Variants in ERBB4 observed in about 807,000 individuals in gnomAD.
ERBB4 encodes the protein receptor tyrosine-protein kinase erbB-4.
In ERBB4, 42 loss-of-function variants were observed where a neutral mutation model predicts 158.0. The observed-to-expected ratio is 0.27, with a 90% CI of 0.21 to 0.34. ERBB4 has a LOEUF of 0.34. ERBB4 is among the 10% of genes least tolerant of loss of function. ERBB4 has a pLI of 1.00. For synonymous variants in ERBB4, 583 were observed against 558.7 expected, an observed-to-expected ratio of 1.04 and a Z score of -0.61; for missense variants, 1,333 against 1,624.1, an observed-to-expected ratio of 0.82 and a Z score of 3.08.
chr2:212,301,635 T>C lies in ERBB4; in HGVS notation c.83-176732A>G, dbSNP rs112374652. 5.3e-3 allele frequency among the ~76,000 whole-genome samples: 792 copies of C among 150,380 alleles called. 4 individuals are homozygous for C. Among genetic ancestry groups the C allele is most frequent in the Middle Eastern group, 0.017 (5 of 294 alleles). On this transcript the variant is annotated intron_variant, in intron 1 of 27. Coordinates refer to ENST00000342788, the MANE Select transcript of ERBB4 (RefSeq NM_005235.3). ...GTAACTTTTGTAACAGGTCCTAATA[T>C]TGTCAGTACTGATGCATATGGATTC...
In ERBB4 at chr2:211,992,544, TGA is replaced by T. The variant is rs147217982; in HGVS notation, c.235-44930_235-44929del. On this transcript the variant is annotated intron_variant, in intron 2 of 27. Transcript: ENST00000342788. ...AAGAAGAGAGGGAGATGAGAGACAG[TGA>T]GAGAGAGAGAGAGAGAGAGAGAAAA... Among the ~76,000 whole-genome samples, 88 of 114,420 alleles carry T rather than the reference TGA, an allele frequency of 7.7e-4. 2 individuals carry two copies. The Middle Eastern group carries it at 0.014, about 18-fold the overall frequency. 75.1% of individuals were successfully genotyped at this position (114,420 alleles called of 152,430 possible).
At chr2:211,849,382 T>G (rs2077664245) in intron 3 of ERBB4, among the ~76,000 whole-genome samples, 1 of 152,006 alleles carries the variant, frequency 6.6e-6, no homozygotes, top group Admixed American at 6.6e-5. Context: ...TGATTTGAAG[T>G]TTGAAATATA....
At chr2:211,804,304 G>T (rs1447085798) in intron 3 of ERBB4, among the ~76,000 whole-genome samples, 1 of 152,184 alleles carries the variant, frequency 6.6e-6, no homozygotes, top group African/African-American at 2.4e-5. Flanking sequence ...TCAGGGATAT[G>T]TTCCCAAGTT....
intron 1 of ERBB4, among the ~76,000 whole-genome samples, chr2:212,185,371 GAA>G (rs372652910): frequency 7.1e-6 from 1 of 140,478 alleles, no homozygotes; most frequent in African/African-American, 2.6e-5. Context: ...CTCAGAAAAA[GAA>G]AAAAAAAAGG....
At position 211,761,190 on chromosome 2, in the gene ERBB4, CAAAAA is replaced by C. The variant is rs58277006; in HGVS notation, c.557-10491_557-10487del. 3.3e-5 allele frequency among the ~76,000 whole-genome samples: 3 copies of C among 89,954 alleles called. No homozygotes were observed. The East Asian group carries it at 9.2e-4, about 28-fold the overall frequency. 59.0% of individuals were successfully genotyped at this position (89,954 alleles called of 152,430 possible). A position where few individuals can be genotyped will look rare whatever the true frequency, so the allele number is the denominator to read the frequency against. On this transcript the variant is annotated intron_variant, in intron 4 of 27. Coordinates refer to ENST00000342788, the MANE Select transcript of ERBB4 (RefSeq NM_005235.3). ...AGCCTGGCGACAGGGTGAGATTCCTCAAAAAAAAAAAAAAAAAAAAAGGAAAAAAG... is the reference window on the plus strand; with the variant it reads ...AGCCTGGCGACAGGGTGAGATTCCTCAAAAAAAAAAAAAAAAGGAAAAAAG...
chr2:212,188,235 C>CTCTCTCT lies in ERBB4; in HGVS notation c.83-63333_83-63332insAGAGAGA, dbSNP rs1559691606. Among the ~76,000 whole-genome samples the CTCTCTCT allele has an allele frequency of 1.2e-3, 10 of 8,608 alleles. 1 individual carries two copies. The highest frequency in any genetic ancestry group is 3.2e-3 in the African/African-American group (10 of 3,130). 5.6% of individuals were successfully genotyped at this position (8,608 alleles called of 152,430 possible). A position where few individuals can be genotyped will look rare whatever the true frequency, so the allele number is the denominator to read the frequency against. The stretch of plus-strand genomic sequence containing the variant: ...CTCTCTCTCTCTCTCTCTCTCTCTC[C>CTCTCTCT]CCCCCCCTCTCACCCCCTCCCTCCC... On this transcript the variant is annotated intron_variant, in intron 1 of 27. Coordinates refer to ENST00000342788, the MANE Select transcript of ERBB4 (RefSeq NM_005235.3).
chr2:211,758,897 T>A (rs1470183133), intron 4 of ERBB4, among the ~76,000 whole-genome samples: 1 of 152,236 alleles, frequency 6.6e-6, no homozygotes, highest in Non-Finnish European at 1.5e-5. Context: ...TCTCCAAAAT[T>A]TGTATGTCCA....
chr2:211,788,173 CAAAT>C lies in ERBB4; in HGVS notation c.422-18_422-15del, dbSNP rs2076210606. On this transcript the variant is annotated splice_polypyrimidine_tract_variant and intron_variant, in intron 3 of 27. Coordinates refer to ENST00000342788, the MANE Select transcript of ERBB4 (RefSeq NM_005235.3). Reference sequence around the variant, plus strand: ...CATTTAGGATTTCTGTATTAAAAAACAAATAAACAAATTTTTTGTCAAACTGCTT... The same window carrying C: ...CATTTAGGATTTCTGTATTAAAAAACAAACAAATTTTTTGTCAAACTGCTT... The C allele has an allele frequency of 6.2e-7, 1 of 1,604,626 alleles. No homozygotes were observed. The highest frequency in any genetic ancestry group is 8.5e-7 in the Non-Finnish European group (1 of 1,172,600).
chr2:211,813,228 A>G (rs547871015), intron 3 of ERBB4, among the ~76,000 whole-genome samples: 1 of 152,344 alleles, frequency 6.6e-6, no homozygotes, highest in African/African-American at 2.4e-5. Context: ...TATATGTTTT[A>G]AAATACAAGG....
intron 19 of ERBB4, among the ~76,000 whole-genome samples, chr2:211,596,087 A>G (rs56807790): frequency 0.053 from 8,070 of 152,242 alleles, 739 homozygotes; most frequent in African/African-American, 0.18. Flanking sequence ...AAACTAAAGT[A>G]TATCTGAATG....
chr2:212,168,936 C>T (rs946951120), intron 1 of ERBB4, among the ~76,000 whole-genome samples: 2 of 152,004 alleles, frequency 1.3e-5, no homozygotes, highest in Non-Finnish European at 2.9e-5. Flanking sequence ...AGATTTTAGA[C>T]CTCAACTACC....
intron 2 of ERBB4, among the ~76,000 whole-genome samples, chr2:212,069,604 A>G (rs532635481): frequency 6.6e-6 from 1 of 152,100 alleles, no homozygotes; most frequent in Non-Finnish European, 1.5e-5. Context: ...CGGTTTAAAC[A>G]TTCAGATTGG....
At chr2:212,165,691 T>C (rs2081327185) in intron 1 of ERBB4, among the ~76,000 whole-genome samples, 1 of 152,102 alleles carries the variant, frequency 6.6e-6, no homozygotes, top group East Asian at 1.9e-4. Flanking sequence ...GCAGCAACCA[T>C]AGAAATATTA....
chr2:211,588,207 C>T (rs1336847893), intron 19 of ERBB4, among the ~76,000 whole-genome samples: 1 of 152,050 alleles, frequency 6.6e-6, no homozygotes, highest in African/African-American at 2.4e-5. Context: ...GAAGAATATA[C>T]AAGAAACTAA....
At chr2:212,340,561 C>T (rs1049573326) in intron 1 of ERBB4, among the ~76,000 whole-genome samples, 14 of 152,258 alleles carry the variant, frequency 9.2e-5, no homozygotes, top group African/African-American at 3.4e-4. Flanking sequence ...GCATGCCACC[C>T]AGATTCCTTG....
At chr2:211,675,228 G>A (rs2072015658) in intron 13 of ERBB4, among the ~76,000 whole-genome samples, 1 of 131,258 alleles carries the variant, frequency 7.6e-6, no homozygotes. Flanking sequence ...TTGTTCCCTT[G>A]GTTTTGCTAT....
At chr2:212,205,435 T>A (rs569419835) in intron 1 of ERBB4, among the ~76,000 whole-genome samples, 1 of 152,212 alleles carries the variant, frequency 6.6e-6, no homozygotes, top group African/African-American at 2.4e-5. Flanking sequence ...GTAAAAGCAC[T>A]AGGTATTATA....
At chr2:211,789,044 T>A (rs2076227612) in intron 3 of ERBB4, among the ~76,000 whole-genome samples, 1 of 152,144 alleles carries the variant, frequency 6.6e-6, no homozygotes, top group Admixed American at 6.6e-5. Flanking sequence ...TGAATTCTCT[T>A]TCGGATAGCT....
chr2:211,448,467 T>TACACACAC lies in ERBB4; in HGVS notation c.2488-17375_2488-17368dup, dbSNP rs3067955. 2.7e-3 allele frequency among the ~76,000 whole-genome samples: 403 copies of TACACACAC among 149,646 alleles called. 7 individuals are homozygous for TACACACAC. In the South Asian group the frequency reaches 0.035, roughly 13 times the overall value. The stretch of plus-strand genomic sequence containing the variant: ...ATGTATATACATCTACCCAAACAGA[T>TACACACAC]ACACACACACACACACACACACACA... On this transcript the variant is annotated intron_variant, in intron 20 of 27. Coordinates refer to ENST00000342788, the MANE Select transcript of ERBB4 (RefSeq NM_005235.3).
Sources: gnomAD v4.1 joint callset for allele counts (sites outside exome capture counted in the v4.1 genomes callset) on GRCh38, gnomAD v4.1.1 for gene constraint, MANE v1.5 for transcripts, NCBI Gene and HGNC (gene_info 2026-07-23, HGNC 2026-07-21) for gene names.